EHD2: variants seen among roughly 807,000 people sequenced by gnomAD.
EHD2 encodes the protein EH domain containing 2.
A neutral mutation model predicts 41.0 loss-of-function variants in EHD2; 27 were observed. The ratio of observed to expected loss-of-function variants is 0.66; its 90% CI spans 0.49 to 0.91. The LOEUF (loss-of-function observed/expected upper bound fraction) is 0.91. Among genes scored for constraint, EHD2 ranks in the 40% least tolerant of loss-of-function variants. The pLI, the probability that EHD2 is intolerant of heterozygous loss-of-function variation, is 0.00. For synonymous variants in EHD2, 342 were observed against 341.0 expected, an observed-to-expected ratio of 1.00 and a Z score of -0.03; for missense variants, 673 against 773.9, an observed-to-expected ratio of 0.87 and a Z score of 1.55.
intron 3 of EHD2, among the ~76,000 whole-genome samples, chr19:47,720,483 T>C (rs1252457214): frequency 6.6e-6 from 1 of 152,028 alleles, no homozygotes. Context: ...CTGGATGACT[T>C]TGTGTGACTC....
chr19:47,716,452 C>A, intron 1 of EHD2, 106 bp from the exon 2 acceptor site: 1 of 653,418 alleles, frequency 1.5e-6, no homozygotes, highest in Non-Finnish European at 2.4e-6. Flanking sequence ...TATCTGTGCT[C>A]CTCCTCCTCC....
intron 3 of EHD2, 45 bp downstream of exon 3, chr19:47,718,651 G>GT (rs1568587916): frequency 6.6e-7 from 1 of 1,510,496 alleles, no homozygotes. Context: ...AGGGGCTGGG[G>GT]CCTGGACTCC....
intron 1 of EHD2, among the ~76,000 whole-genome samples, chr19:47,713,909 G>A (rs1270764678): frequency 6.6e-6 from 1 of 151,534 alleles, no homozygotes; most frequent in South Asian, 2.1e-4. Context: ...CCCCTCTCCT[G>A]CCTCACCAGC....
Position 47,731,279 on chromosome 19 carries a change from A to AAAAAATATATAT in EHD2, c.915+5056_915+5057insAAAATATATATA. 38 of 60,930 alleles carry AAAAAATATATAT rather than the reference A, an allele frequency of 6.2e-4. 2 individuals are homozygous for AAAAAATATATAT. Among genetic ancestry groups the AAAAAATATATAT allele is most frequent in the African/African-American group, 1.9e-3 (38 of 20,474 alleles). 3.8% of individuals were successfully genotyped at this position (60,930 alleles called of 1,614,324 possible). On this transcript the variant is annotated intron_variant, in intron 4 of 5. Coordinates refer to ENST00000263277, the MANE Select transcript of EHD2 (RefSeq NM_014601.4). Reference sequence around the variant, plus strand: ...ATTTGTGATTCTTTAAAAAAAAAAAAATATATATATATATATATATATACA... The same window carrying AAAAAATATATAT: ...ATTTGTGATTCTTTAAAAAAAAAAAAAAAAATATATATATATATATATATATATATATATACA...
intron 4 of EHD2, chr19:47,733,096 A>AAT (rs1555794005): frequency 6.6e-5 from 10 of 151,892 alleles, no homozygotes; most frequent in Non-Finnish European, 1.2e-4. Context: ...AAAAAAATAA[A>AAT]AAATAAAAAA....
chr19:47,730,771 G>C (rs1381094325), intron 4 of EHD2, among the ~76,000 whole-genome samples: 1 of 152,078 alleles, frequency 6.6e-6, no homozygotes, highest in Admixed American at 6.6e-5. Context: ...GATCTTGGGA[G>C]GGTCTGATTC....
chr19:47,718,497 C>T lies in EHD2; in HGVS notation c.405-12C>T, dbSNP rs749799970. ...CTTCCCTGTTGACCCCTGACCCTCC[C>T]TCTGCCCCCAGGTTCATGTGTGCCC... On this transcript the variant is annotated splice_polypyrimidine_tract_variant and intron_variant, in intron 2 of 5. Transcript: ENST00000263277. 1.1e-5 allele frequency: 18 copies of T among 1,566,880 alleles called. No homozygotes were observed. The highest frequency in any genetic ancestry group is 1.6e-5 in the Non-Finnish European group (18 of 1,154,924).
At chr19:47,716,068 C>CTTTTT (rs60295874) in intron 1 of EHD2, among the ~76,000 whole-genome samples, 3 of 100,004 alleles carry the variant, frequency 3.0e-5, no homozygotes, top group Admixed American at 1.1e-4. Context: ...TGTGCCTGGC[C>CTTTTT]TTTTTTTTTT....
rs1973675423 is a variant in EHD2 at position 47,719,786 on chromosome 19, C to T, written c.502+1180C>T. On this transcript the variant is annotated intron_variant, in intron 3 of 5. Coordinates refer to ENST00000263277, the MANE Select transcript of EHD2 (RefSeq NM_014601.4). The surrounding 1 kb of genome is among the most constrained non-coding windows in gnomAD (Gnocchi z 4.1). ...TGGGGCTCCCACCCCAGGGCCTGGACCTGGGACAGCGGGAGGGAGAGGCTC... is the reference window on the plus strand; with the variant it reads ...TGGGGCTCCCACCCCAGGGCCTGGATCTGGGACAGCGGGAGGGAGAGGCTC... Among the ~76,000 whole-genome samples the T allele has an allele frequency of 6.6e-6, 1 of 151,950 alleles. No individual in the cohort carries two copies. The highest frequency in any genetic ancestry group is 6.6e-5 in the Admixed American group (1 of 15,256).
chr19:47,718,226 T>C (rs1288720850), intron 2 of EHD2, among the ~76,000 whole-genome samples: 1 of 137,990 alleles, frequency 7.2e-6, no homozygotes, highest in African/African-American at 2.8e-5. Context: ...TGAGCTGAGA[T>C]AGTGCCATTG....
At chr19:47,714,148 T>C (rs1030298793) in intron 1 of EHD2, among the ~76,000 whole-genome samples, 1 of 152,226 alleles carries the variant, frequency 6.6e-6, no homozygotes, top group Non-Finnish European at 1.5e-5. Flanking sequence ...TTGCAGTTAT[T>C]TTGATGCTCA....
At chr19:47,731,314 A>ATATACATATAT (rs1160770476) in intron 4 of EHD2, 24 of 113,932 alleles carry the variant, frequency 2.1e-4, no homozygotes, top group Admixed American at 3.8e-4. Context: ...ATATATATAT[A>ATATACATATAT]ATTTTTTTTT....
intron 4 of EHD2, among the ~76,000 whole-genome samples, chr19:47,731,168 G>A (rs1160026845): frequency 1.3e-5 from 2 of 149,810 alleles, no homozygotes; most frequent in Non-Finnish European, 3.0e-5. Flanking sequence ...AGAGCCTAAC[G>A]GGGCTGGAGA....
At chr19:47,734,194 G>A (rs896717180) in intron 4 of EHD2, among the ~76,000 whole-genome samples, 1 of 152,086 alleles carries the variant, frequency 6.6e-6, no homozygotes, top group African/African-American at 2.4e-5. Flanking sequence ...GAGAGGCTGG[G>A]CGTAGTAGCG....
At position 47,725,817 on chromosome 19, in the gene EHD2, G is replaced by A. The variant is rs1433717875; in HGVS notation, c.508G>A (p.Asp170Asn). 1.3e-6 allele frequency: 2 copies of A among 1,578,410 alleles called. No homozygotes were observed. Among genetic ancestry groups the A allele is most frequent in the Non-Finnish European group, 1.7e-6 (2 of 1,155,958 alleles). Residue 170 changes from aspartate to asparagine, a missense_variant, in exon 4 of 6, where the codon GAC becomes AAC. Transcript: ENST00000263277. Reference protein sequence around the residue: ...GAKQRVSRGYDFPAVLRWFAE... With the variant: ...GAKQRVSRGYNFPAVLRWFAE... Reference sequence around the variant, plus strand: ...TCTCTCCACTCCCACTCCAGGCTACGACTTCCCGGCCGTGCTGCGCTGGTT... The same window carrying A: ...TCTCTCCACTCCCACTCCAGGCTACAACTTCCCGGCCGTGCTGCGCTGGTT...
rs761425944 is a variant in EHD2, at chr19:47,736,462, G to T, written c.1009G>T (p.Val337Phe). The T allele has an allele frequency of 6.2e-7, 1 of 1,612,892 alleles. No individual in the cohort carries two copies. Among genetic ancestry groups the T allele is most frequent in the African/African-American group, 1.3e-5 (1 of 74,930 alleles). The change falls in exon 5 of 6, where the codon GTC becomes TTC. Residue 337 changes from valine to phenylalanine, a missense_variant. Coordinates refer to ENST00000263277, the MANE Select transcript of EHD2 (RefSeq NM_014601.4). ...KKKQLILKLP[V>F]IFAKIQLEHH... ...GAAGCAGCTGATCCTCAAACTGCCC[G>T]TCATCTTTGCGAAGATTCAGCTGGA...
In EHD2 at chr19:47,725,882, G is replaced by A; in HGVS notation, c.573G>A (p.Ala191=). 6 of 1,613,486 alleles carry A rather than the reference G, an allele frequency of 3.7e-6. No homozygotes were observed. Among genetic ancestry groups the A allele is most frequent in the Non-Finnish European group, 5.1e-6 (6 of 1,179,512 alleles). ...ACCTCATCATCCTGCTCTTTGATGC[G>A]CACAAGCTGGAGATCTCGGACGAGT... is the stretch of plus-strand genomic sequence containing the variant. ...RVDLIILLFD[A]HKLEISDEFS... is the part of the protein sequence containing the mutation. The change falls in exon 4 of 6, where the codon GCG becomes GCA. Residue 191 remains alanine (A), a synonymous_variant. Coordinates refer to ENST00000263277, the MANE Select transcript of EHD2 (RefSeq NM_014601.4).
intron 3 of EHD2, among the ~76,000 whole-genome samples, chr19:47,724,327 G>C (rs1973727857): frequency 6.6e-6 from 1 of 152,076 alleles, no homozygotes; most frequent in African/African-American, 2.4e-5. Flanking sequence ...CCAAAGTGCT[G>C]GGATTACAGG....
rs145149671 is a variant in EHD2 at position 47,729,181 on chromosome 19, C to T, written c.915+2957C>T. ...TGACCCAGTGTGGTCAGAGCTGGGGCGGGGTAGCTGGGGCAGGCAGAGAGG... is the reference window on the plus strand; with the variant it reads ...TGACCCAGTGTGGTCAGAGCTGGGGTGGGGTAGCTGGGGCAGGCAGAGAGG... On this transcript the variant is annotated intron_variant, in intron 4 of 5. Coordinates refer to ENST00000263277, the MANE Select transcript of EHD2 (RefSeq NM_014601.4). 5.3e-4 allele frequency among the ~76,000 whole-genome samples: 80 copies of T among 152,152 alleles called. 1 individual carries two copies. In the East Asian group the frequency reaches 0.014, roughly 26 times the overall value.
Sources: allele counts gnomAD v4.1 joint callset (sites outside exome capture counted in the v4.1 genomes callset), GRCh38; gene constraint gnomAD v4.1.1; non-coding constraint Gnocchi (gnomAD v3.1); transcripts MANE v1.5; gene names NCBI Gene and HGNC (gene_info 2026-07-23, HGNC 2026-07-21).